Variants in AFF1 observed in about 807,000 individuals in gnomAD.
AFF1 encodes the protein AF4/FMR2 family member 1.
A neutral mutation model predicts 121.7 loss-of-function variants in AFF1; 48 were observed. The observed-to-expected ratio is 0.39, with a 90% CI of 0.31 to 0.50. The LOEUF is 0.50. Ranked by LOEUF, AFF1 falls within the 20% of genes least tolerant of loss-of-function variation. The pLI is 0.76. For synonymous variants in AFF1, 613 were observed against 563.0 expected, an observed-to-expected ratio of 1.09 and a Z score of -1.26; for missense variants, 1,523 against 1,511.7, an observed-to-expected ratio of 1.01 and a Z score of -0.12.
chr4:87,013,287 G>A (rs542315115), intron 2 of AFF1, among the ~76,000 whole-genome samples: 2 of 151,992 alleles, frequency 1.3e-5, no homozygotes, highest in African/African-American at 2.4e-5. Flanking sequence ...TGATCCTCCC[G>A]CCTCGGCCTC....
intron 2 of AFF1, among the ~76,000 whole-genome samples, chr4:86,965,663 T>G (rs927994128): frequency 6.6e-6 from 1 of 152,234 alleles, no homozygotes. Flanking sequence ...TTTTGACTCC[T>G]TAAGAGTTAC....
At chr4:86,971,679 C>T (rs1288464349) in intron 2 of AFF1, among the ~76,000 whole-genome samples, 1 of 152,182 alleles carries the variant, frequency 6.6e-6, no homozygotes, top group Non-Finnish European at 1.5e-5. Flanking sequence ...TAGCAATACT[C>T]TATCTTTAAG....
chr4:86,964,722 C>T (rs1214835631), intron 2 of AFF1, among the ~76,000 whole-genome samples: 1 of 152,248 alleles, frequency 6.6e-6, no homozygotes, highest in African/African-American at 2.4e-5. Context: ...GCCTGAGCCA[C>T]TGCGCCCGGC....
intron 15 of AFF1, 110 bp downstream of exon 15, chr4:87,127,227 C>A: frequency 1.1e-6 from 1 of 924,430 alleles, no homozygotes; most frequent in Admixed American, 2.1e-5. Context: ...GTGGCATGAT[C>A]TTGGCTCACT....
Position 87,126,235 on chromosome 4 carries a change from C to G in AFF1, c.2710C>G (p.Pro904Ala). 1.9e-6 allele frequency: 3 copies of G among 1,614,116 alleles called. No homozygotes were observed. Among genetic ancestry groups the G allele is most frequent in the Non-Finnish European group, 2.5e-6 (3 of 1,180,032 alleles). ...READTCGQDP[P>A]KSASSTKSNH... is the part of the protein sequence containing the mutation. ...AGCAGACACCTGTGGCCAGGACCCT[C>G]CCAAAAGTGCCAGCAGTACCAAGAG... Residue 904 changes from proline (P) to alanine (A), a missense_variant, in exon 14 of 21, where the codon CCC becomes GCC. This residue lies in a region of AFF1 where 905 missense variants were observed against 842.5 expected (regional missense o/e 1.07). Transcript: ENST00000395146.
intron 2 of AFF1, among the ~76,000 whole-genome samples, chr4:87,020,490 T>A (rs1180263713): frequency 6.6e-6 from 1 of 151,962 alleles, no homozygotes; most frequent in African/African-American, 2.4e-5. Context: ...TTTTGTTTTG[T>A]TTTGTTTTGT....
intron 2 of AFF1, among the ~76,000 whole-genome samples, chr4:87,024,310 T>C (rs1036950442): frequency 2.6e-5 from 4 of 152,188 alleles, no homozygotes; most frequent in Admixed American, 2.6e-4. Context: ...ATCTCTAAAC[T>C]GAGCTATAAC....
At chr4:87,073,487 G>T (rs2869642) in intron 4 of AFF1, among the ~76,000 whole-genome samples, 124,158 of 152,006 alleles carry the variant, frequency 0.82, 50,897 homozygotes, top group African/African-American at 0.89. Flanking sequence ...ATAATTTTCT[G>T]TCCTTTTTTC....
chr4:87,133,984 A>G (rs1282417543), intron 19 of AFF1, among the ~76,000 whole-genome samples: 3 of 152,242 alleles, frequency 2.0e-5, no homozygotes, highest in African/African-American at 7.2e-5. Flanking sequence ...TTAGTGAGAC[A>G]TTATTTCTGC....
At chr4:87,081,706 T>C (rs966472395) in intron 4 of AFF1, among the ~76,000 whole-genome samples, 1 of 152,192 alleles carries the variant, frequency 6.6e-6, no homozygotes, top group Non-Finnish European at 1.5e-5. Flanking sequence ...CTGTTCCCCT[T>C]TGAAACACCT....
At chr4:87,061,514 T>C (rs1720786838) in intron 4 of AFF1, among the ~76,000 whole-genome samples, 1 of 152,256 alleles carries the variant, frequency 6.6e-6, no homozygotes, top group Non-Finnish European at 1.5e-5. Context: ...CGTCAGAGAC[T>C]GTTATATTAA....
chr4:87,047,274 T>A lies in AFF1; in HGVS notation c.739T>A (p.Tyr247Asn). The A allele has an allele frequency of 5.0e-6, 8 of 1,614,142 alleles. No homozygotes were observed. The highest frequency in any genetic ancestry group is 6.8e-6 in the Non-Finnish European group (8 of 1,180,028). ...VHGSSNNSKG[Y>N]CPAKSPKDLA... ...TGGCAGCAGCAATAACAGTAAAGGC[T>A]ATTGCCCAGCCAAATCTCCCAAGGA... is the stretch of plus-strand genomic sequence containing the variant. Residue 247 changes from tyrosine (Y) to asparagine (N), a missense_variant, in exon 4 of 21, where the codon TAT (tyrosine) becomes AAT (asparagine). Tyr to Asn is a moderately radical substitution (Grantham distance 143). Transcript: ENST00000395146.
intron 19 of AFF1, 29 bp downstream of exon 19, chr4:87,132,437 C>G (rs1728919915): frequency 6.4e-7 from 1 of 1,568,188 alleles, no homozygotes; most frequent in Non-Finnish European, 8.6e-7. Context: ...TAAATAATTT[C>G]CAGAATTGAG....
At chr4:87,134,834 C>T in intron 20 of AFF1, 140 bp downstream of exon 20, 3 of 814,844 alleles carry the variant, frequency 3.7e-6, no homozygotes, top group Non-Finnish European at 5.6e-6. Context: ...TTTCTCTATT[C>T]TGCCTCAAAA....
intron 12 of AFF1, among the ~76,000 whole-genome samples, chr4:87,122,781 C>T (rs1247952737): frequency 1.4e-5 from 2 of 146,308 alleles, no homozygotes; most frequent in African/African-American, 5.1e-5. Flanking sequence ...CTGTGAAGAA[C>T]TGTGCTGTCA....
chr4:87,002,231 T>C (rs1240542392), intron 2 of AFF1, among the ~76,000 whole-genome samples: 1 of 151,348 alleles, frequency 6.6e-6, no homozygotes, highest in Non-Finnish European at 1.5e-5. Context: ...TAGCTGGGAC[T>C]ACAAGTGTGA....
At chr4:87,075,573 C>T (rs913355726) in intron 4 of AFF1, among the ~76,000 whole-genome samples, 4 of 152,120 alleles carry the variant, frequency 2.6e-5, no homozygotes, top group African/African-American at 7.2e-5. Flanking sequence ...GCCTGATATA[C>T]CTACCCTCCC....
At chr4:87,020,554 G>T (rs192034432) in intron 2 of AFF1, among the ~76,000 whole-genome samples, 2 of 152,136 alleles carry the variant, frequency 1.3e-5, no homozygotes, top group Admixed American at 1.3e-4. Context: ...GCGCAATTTC[G>T]GCTCACTGTA....
At chr4:87,111,620 C>G (rs1726542547) in intron 11 of AFF1, among the ~76,000 whole-genome samples, 1 of 152,174 alleles carries the variant, frequency 6.6e-6, no homozygotes, top group African/African-American at 2.4e-5. Context: ...TCCCAAAGTG[C>G]TGGGATTACA....
Sources: gnomAD v4.1 joint callset for allele counts (sites outside exome capture counted in the v4.1 genomes callset) on GRCh38, gnomAD v4.1.1 for gene constraint, gnomAD v4.1.1 regional missense constraint, MANE v1.5 for transcripts, NCBI Gene and HGNC (gene_info 2026-07-23, HGNC 2026-07-21) for gene names.